The following WDR20 variants were observed in gnomAD, a reference collection of about 807,000 sequenced individuals.
The protein encoded by WDR20 is WD repeat domain 20, also known as WD repeat-containing protein 20.
In WDR20, 3 loss-of-function variants were observed where a neutral mutation model predicts 38.7. The observed-to-expected ratio is 0.08, with a 90% CI of 0.04 to 0.20. The LOEUF (loss-of-function observed/expected upper bound fraction) is 0.20. Among genes scored for constraint, WDR20 ranks in the 10% least tolerant of loss-of-function variants. The probability of loss-of-function intolerance (pLI) is 1.00; values close to 1 mark genes in which losing one functional copy is unlikely to be tolerated. For missense variants in WDR20, 559 were observed against 727.7 expected (o/e 0.77, Z 2.67); for synonymous variants, 298 against 285.6 (o/e 1.04, Z -0.44).
At chr14:102,142,360 A>G (rs377736844) in intron 1 of WDR20, among the ~76,000 whole-genome samples, 3 of 152,236 alleles carry the variant, frequency 2.0e-5, no homozygotes, top group Admixed American at 6.5e-5. Context: ...GATTTAAAAT[A>G]TAGGAAATAC....
At chr14:102,203,689 C>T (rs752103785) in intron 2 of WDR20, among the ~76,000 whole-genome samples, 11 of 152,246 alleles carry the variant, frequency 7.2e-5, no homozygotes, top group Non-Finnish European at 1.6e-4. Flanking sequence ...CCCTGCCCAC[C>T]CCCGAAACCC....
At chr14:102,223,041 C>T (rs1448646267) in exon 4 of WDR20, 6 of 736,066 alleles carry the variant, frequency 8.2e-6, no homozygotes, top group African/African-American at 3.6e-5. Context: ...TCTGCGGCGC[C>T]GTGCTCCCGC....
At chr14:102,190,206 G>T (rs1422471684) in intron 1 of WDR20, among the ~76,000 whole-genome samples, 3 of 152,206 alleles carry the variant, frequency 2.0e-5, no homozygotes, top group African/African-American at 7.2e-5. Flanking sequence ...GCTTTGAGGG[G>T]TGACTAGGAT....
intron 1 of WDR20, among the ~76,000 whole-genome samples, chr14:102,148,490 A>G (rs928511176): frequency 1.3e-5 from 2 of 151,494 alleles, no homozygotes; most frequent in African/African-American, 2.4e-5. Context: ...CAGTGAGCGG[A>G]AATTGTGCCA....
chr14:102,171,761 A>G (rs2060870527), intron 1 of WDR20, among the ~76,000 whole-genome samples: 1 of 151,854 alleles, frequency 6.6e-6, no homozygotes, highest in Admixed American at 6.6e-5. Context: ...AACAAATTTT[A>G]TAGAATTTTC....
intron 1 of WDR20, among the ~76,000 whole-genome samples, chr14:102,179,143 A>G (rs1831332245): frequency 6.6e-6 from 1 of 152,126 alleles, no homozygotes; most frequent in African/African-American, 2.4e-5. Context: ...CTGTATTTCT[A>G]GATTTCTCTC....
Position 102,157,020 on chromosome 14 carries a change from T to C in WDR20, c.249+16848T>C, listed in dbSNP as rs556388745. Reference sequence around the variant, plus strand: ...TAAAAAATAAATAAAATAAAAATTATTGGGGCTGAGGTGGGAGGATTGTTT... The same window carrying C: ...TAAAAAATAAATAAAATAAAAATTACTGGGGCTGAGGTGGGAGGATTGTTT... On this transcript the variant is annotated intron_variant, in intron 1 of 2. Coordinates refer to ENST00000342702, the MANE Select transcript of WDR20 (RefSeq NM_144574.4). Among the ~76,000 whole-genome samples the C allele has an allele frequency of 2.6e-3, 402 of 151,986 alleles. 3 individuals are homozygous for C. Among genetic ancestry groups the C allele is most frequent in the South Asian group, 5.4e-3 (26 of 4,816 alleles).
chr14:102,140,110 G>A lies in WDR20; in HGVS notation c.187G>A (p.Asp63Asn), dbSNP rs771264414. The A allele has an allele frequency of 1.2e-6, 2 of 1,614,028 alleles. No homozygotes were observed. The highest frequency in any genetic ancestry group is 1.7e-5 in the Admixed American group (1 of 60,026). The change falls in exon 1 of 3, where the codon GAC becomes AAC. Residue 63 changes from aspartate (D) to asparagine (N), a missense_variant. Asp to Asn is a conservative substitution (Grantham distance 23, BLOSUM62 1). Transcript: ENST00000342702. ...CCTCAACGACCAGTCTGGCAACGGCGACCGCCTCTGCTTCAATGTGGGCCG... is the reference window on the plus strand; with the variant it reads ...CCTCAACGACCAGTCTGGCAACGGCAACCGCCTCTGCTTCAATGTGGGCCG... ...VNLNDQSGNGDRLCFNVGREL... is the reference protein window; with the variant it reads ...VNLNDQSGNGNRLCFNVGREL...
intron 1 of WDR20, among the ~76,000 whole-genome samples, chr14:102,169,843 A>G (rs1016710470): frequency 6.6e-6 from 1 of 152,118 alleles, no homozygotes; most frequent in African/African-American, 2.4e-5. Context: ...CAAGTAACTT[A>G]GTGAGAAAGT....
chr14:102,153,804 C>T (rs75268930), intron 1 of WDR20, among the ~76,000 whole-genome samples: 6,542 of 152,298 alleles, frequency 0.043, 177 homozygotes, highest in Middle Eastern at 0.065. Context: ...GTTTAGATCA[C>T]AGCTGAAATG....
chr14:102,206,310 A>T (rs942232310), intron 2 of WDR20, among the ~76,000 whole-genome samples: 1 of 152,114 alleles, frequency 6.6e-6, no homozygotes, highest in African/African-American at 2.4e-5. Context: ...TTAATACGGG[A>T]GTGAAGGTTT....
At chr14:102,218,680 C>T (rs1431256715), downstream of WDR20, among the ~76,000 whole-genome samples, 2 of 151,856 alleles carry the variant, frequency 1.3e-5, no homozygotes, top group African/African-American at 2.4e-5. Flanking sequence ...AAGTCTCTAG[C>T]GGGAATAAAA....
chr14:102,205,209 C>T (rs566971960), intron 2 of WDR20, among the ~76,000 whole-genome samples: 8 of 151,392 alleles, frequency 5.3e-5, no homozygotes, highest in Non-Finnish European at 7.4e-5. Flanking sequence ...TGCAGTGAGC[C>T]GTGATTGCAC....
chr14:102,211,216 T>G (rs1262211181), downstream of WDR20, among the ~76,000 whole-genome samples: 1 of 60,410 alleles, frequency 1.7e-5, no homozygotes, highest in Non-Finnish European at 3.4e-5. This position sits in a 1 kb window ranked among gnomAD's most constrained non-coding sequence, Gnocchi z 4.2. Context: ...ATTTTGGGCA[T>G]TTAGGTTGTA....
chr14:102,187,417 G>GTC, intron 1 of WDR20, among the ~76,000 whole-genome samples: 1 of 152,092 alleles, frequency 6.6e-6, no homozygotes, highest in African/African-American at 2.4e-5. Context: ...GCTGGGGGGG[G>GTC]GCTCAGGAGG....
intron 2 of WDR20, among the ~76,000 whole-genome samples, chr14:102,199,008 T>G (rs1208055408): frequency 6.6e-6 from 1 of 152,200 alleles, no homozygotes; most frequent in African/African-American, 2.4e-5. Flanking sequence ...TGAGATTAGA[T>G]GAAAGGTTCT....
At chr14:102,195,156 T>C in intron 2 of WDR20, 36 bp downstream of exon 2, 1 of 1,601,390 alleles carries the variant, frequency 6.2e-7, no homozygotes, top group Non-Finnish European at 8.5e-7. Flanking sequence ...TAAGAATCCC[T>C]TTAAGAGTTG....
chr14:102,148,095 T>G (rs777580927), intron 1 of WDR20, among the ~76,000 whole-genome samples: 7 of 152,178 alleles, frequency 4.6e-5, no homozygotes, highest in Non-Finnish European at 8.8e-5. Context: ...AGAGAATAAT[T>G]CTGTTTGTTT....
chr14:102,173,434 ATT>A (rs1214705852), intron 1 of WDR20, among the ~76,000 whole-genome samples: 6 of 698 alleles, frequency 8.6e-3, no homozygotes, highest in African/African-American at 0.017. Context: ...TTTTTTTAAA[ATT>A]ATTATTATTA....
Sources: gnomAD v4.1 joint callset for allele counts (sites outside exome capture counted in the v4.1 genomes callset) on GRCh38, gnomAD v4.1.1 for gene constraint, Gnocchi (gnomAD v3.1) non-coding constraint, MANE v1.5 for transcripts, NCBI Gene and HGNC (gene_info 2026-07-23, HGNC 2026-07-21) for gene names.